The following RBPJ variants were observed in gnomAD, a reference collection of about 807,000 sequenced individuals.
RBPJ encodes the protein recombining binding protein suppressor of hairless.
A neutral mutation model predicts 67.8 loss-of-function variants in RBPJ; 9 were observed. The ratio of observed to expected loss-of-function variants is 0.13; its 90% CI spans 0.08 to 0.23. The LOEUF is 0.23. RBPJ is among the 10% of genes least tolerant of loss of function. RBPJ has a pLI of 1.00. For missense variants in RBPJ, 305 were observed against 595.6 expected (o/e 0.51, Z 5.08); for synonymous variants, 198 against 203.3 (o/e 0.97, Z 0.22).
chr4:26,192,011 T>TTTTTC (rs1717572602), intron 1 of RBPJ, among the ~76,000 whole-genome samples: 2 of 24,096 alleles, frequency 8.3e-5, no homozygotes, highest in Non-Finnish European at 1.4e-4. Context: ...TTCTTTAAAA[T>TTTTTC]TTTTTTTTTT....
chr4:26,326,699 A>T (rs1723661283), intron 1 of RBPJ, among the ~76,000 whole-genome samples: 1 of 152,226 alleles, frequency 6.6e-6, no homozygotes, highest in Non-Finnish European at 1.5e-5. Flanking sequence ...AAATTTTGTG[A>T]AATAAGGTCA....
intron 4 of RBPJ, among the ~76,000 whole-genome samples, chr4:26,416,669 A>G (rs1158525277): frequency 1.3e-5 from 2 of 152,224 alleles, no homozygotes; most frequent in Admixed American, 6.5e-5. Context: ...TAGCGCATAA[A>G]CAGCTGTTTC....
At chr4:26,211,898 C>T (rs548502475) in intron 1 of RBPJ, among the ~76,000 whole-genome samples, 3 of 152,134 alleles carry the variant, frequency 2.0e-5, no homozygotes, top group African/African-American at 4.8e-5. Flanking sequence ...GGTGTCCTTA[C>T]GAAAAGGAAA....
chr4:26,301,234 C>A (rs960456212), intron 1 of RBPJ, among the ~76,000 whole-genome samples: 2 of 152,144 alleles, frequency 1.3e-5, no homozygotes, highest in African/African-American at 4.8e-5. Context: ...TAAGATCTGA[C>A]CCATCCTCCT....
chr4:26,133,920 T>G, the RBPJ span, among the ~76,000 whole-genome samples: 1 of 152,098 alleles, frequency 6.6e-6, no homozygotes, highest in Non-Finnish European at 1.5e-5. Flanking sequence ...GCTTTAAAGA[T>G]GAAGGAAGGA....
rs770058789 is a variant in RBPJ at position 26,431,038 on chromosome 4, CTT to C, written c.*32_*33del. On this transcript the variant is annotated 3_prime_UTR_variant, in exon 11 of 11. Coordinates refer to ENST00000355476, the MANE Select transcript of RBPJ (RefSeq NM_015874.6). ...GTCTTTTTGCTAGGACTTAAACTGA[CTT>C]GAGTGTGGCAAAAAGTTAACAAAAA... 51 of 1,572,716 alleles carry C rather than the reference CTT, an allele frequency of 3.2e-5. No individual in the cohort carries two copies. The highest frequency in any genetic ancestry group is 3.9e-5 in the Non-Finnish European group (45 of 1,150,042).
intron 1 of RBPJ, among the ~76,000 whole-genome samples, chr4:26,218,952 G>A (rs1718811612): frequency 6.6e-6 from 1 of 152,136 alleles, no homozygotes; most frequent in African/African-American, 2.4e-5. Flanking sequence ...CAGACCTAGG[G>A]TGGAGGCCCC....
At chr4:26,138,258 C>T in the RBPJ span, among the ~76,000 whole-genome samples, 1 of 152,146 alleles carries the variant, frequency 6.6e-6, no homozygotes, top group African/African-American at 2.4e-5. Context: ...ATACCTTCCA[C>T]TGTTGAAGCC....
intron 3 of RBPJ, among the ~76,000 whole-genome samples, chr4:26,411,761 C>T (rs185264013): frequency 9.3e-4 from 142 of 152,214 alleles, no homozygotes; most frequent in African/African-American, 3.1e-3. Flanking sequence ...CAGCACTACT[C>T]ATTCTTTTAT....
intron 1 of RBPJ, among the ~76,000 whole-genome samples, chr4:26,287,454 C>T (rs1173067049): frequency 1.3e-5 from 2 of 150,642 alleles, no homozygotes; most frequent in Non-Finnish European, 3.0e-5. Flanking sequence ...TCAGAAGGCT[C>T]GAGTGGGAAG....
intron 1 of RBPJ, among the ~76,000 whole-genome samples, chr4:26,286,938 C>A (rs1174613497): frequency 6.6e-6 from 1 of 152,014 alleles, no homozygotes; most frequent in Admixed American, 6.6e-5. Flanking sequence ...GGGGATGCAC[C>A]ACCACGCCTG....
At chr4:26,346,750 G>C (rs1356454733) in intron 1 of RBPJ, among the ~76,000 whole-genome samples, 1 of 152,178 alleles carries the variant, frequency 6.6e-6, no homozygotes, top group Non-Finnish European at 1.5e-5. Context: ...CCAGCACTTT[G>C]GAAGGCCGAG....
chr4:26,376,858 C>T (rs1027664099), intron 1 of RBPJ, among the ~76,000 whole-genome samples: 1 of 152,110 alleles, frequency 6.6e-6, no homozygotes, highest in African/African-American at 2.4e-5. Flanking sequence ...GAAGTGGTAT[C>T]TCATGGTTTT....
chr4:26,335,969 A>G (rs1724793669), intron 1 of RBPJ, among the ~76,000 whole-genome samples: 2 of 152,066 alleles, frequency 1.3e-5, no homozygotes. Flanking sequence ...TCTGCATGTG[A>G]GTATTTGGGG....
intron 1 of RBPJ, chr4:26,272,639 CT>C (rs1720951725): frequency 2.2e-6 from 1 of 447,326 alleles, no homozygotes; most frequent in Non-Finnish European, 4.5e-6. Context: ...TGCAGATGAA[CT>C]TGCATTTTGT....
chr4:26,318,355 C>T (rs545553072), upstream of RBPJ, among the ~76,000 whole-genome samples: 1 of 152,018 alleles, frequency 6.6e-6, no homozygotes, highest in African/African-American at 2.4e-5. Flanking sequence ...GAAGAATTTA[C>T]GTAATCAGGA....
intron 1 of RBPJ, chr4:26,362,363 T>C: frequency 1.3e-6 from 1 of 747,368 alleles, no homozygotes; most frequent in East Asian, 3.2e-5. Flanking sequence ...TTGTTTTTCT[T>C]AGTCATGGCA....
At chr4:26,400,884 A>G (rs550114268) in intron 2 of RBPJ, among the ~76,000 whole-genome samples, 1 of 152,360 alleles carries the variant, frequency 6.6e-6, no homozygotes, top group South Asian at 2.1e-4. Flanking sequence ...CCTAGAATAT[A>G]GTAAGCTTCC....
intron 1 of RBPJ, among the ~76,000 whole-genome samples, chr4:26,301,373 A>T (rs1421070843): frequency 6.6e-6 from 1 of 152,152 alleles, no homozygotes; most frequent in African/African-American, 2.4e-5. Flanking sequence ...TGGGCGGATC[A>T]CGAGGTCAGG....
Sources: gnomAD v4.1 joint callset for allele counts (sites outside exome capture counted in the v4.1 genomes callset) on GRCh38, gnomAD v4.1.1 for gene constraint, MANE v1.5 for transcripts, NCBI Gene and HGNC (gene_info 2026-07-23, HGNC 2026-07-21) for gene names.